Variants in DPP10 observed in about 807,000 individuals in gnomAD.
DPP10 encodes inactive dipeptidyl peptidase 10.
Under a neutral mutation model 120.9 loss-of-function variants are expected in DPP10, and 33 were observed. The observed-to-expected ratio is 0.27, with a 90% CI of 0.21 to 0.37. DPP10 has a LOEUF of 0.37. DPP10 is among the 10% of genes least tolerant of loss of function. DPP10 has a pLI of 1.00. For missense variants in DPP10, 816 were observed against 942.8 expected, an observed-to-expected ratio of 0.87 and a Z score of 1.76; for synonymous variants, 337 against 326.1, an observed-to-expected ratio of 1.03 and a Z score of -0.36.
intron 21 of DPP10, among the ~76,000 whole-genome samples, chr2:115,833,777 T>A (rs776549791): frequency 6.6e-6 from 1 of 152,204 alleles, no homozygotes; most frequent in Non-Finnish European, 1.5e-5. Flanking sequence ...TAAGTTTTCA[T>A]CCCTGAGATA....
chr2:114,743,211 G>A (rs1375648464), intron 1 of DPP10, among the ~76,000 whole-genome samples: 1 of 152,042 alleles, frequency 6.6e-6, no homozygotes, highest in Admixed American at 6.5e-5. Context: ...TAGGGATTTT[G>A]GTCTTTCAGG....
At chr2:115,069,733 G>T (rs774296501) in intron 1 of DPP10, among the ~76,000 whole-genome samples, 2 of 151,468 alleles carry the variant, frequency 1.3e-5, no homozygotes, top group Admixed American at 1.3e-4. Flanking sequence ...TCCTCGAATC[G>T]CGTGCTGATG....
chr2:115,141,754 G>A (rs755175017), intron 1 of DPP10, among the ~76,000 whole-genome samples: 8 of 152,058 alleles, frequency 5.3e-5, no homozygotes, highest in Non-Finnish European at 1.0e-4. Context: ...GCTTACAATA[G>A]GAAAGGAGGT....
At chr2:115,581,690 T>C (rs1026066047) in intron 5 of DPP10, among the ~76,000 whole-genome samples, 5 of 152,096 alleles carry the variant, frequency 3.3e-5, no homozygotes, top group African/African-American at 1.2e-4. Flanking sequence ...TTTTAGGAAG[T>C]TGAGCAAGAA....
At position 114,565,876 on chromosome 2, in the gene DPP10, G is replaced by GATTC. The variant is rs200449756; in HGVS notation, c.60+123064_60+123067dup. ...ACATGGACACTTAACTCATAGAATA[G>GATTC]ATTCATTCATTCATTCATTCATTCA... is the stretch of plus-strand genomic sequence containing the variant. On this transcript the variant is annotated intron_variant, in intron 1 of 25. Transcript: ENST00000410059. Among the ~76,000 whole-genome samples the GATTC allele has an allele frequency of 9.1e-3, 1,384 of 152,248 alleles. 13 individuals carry two copies. The highest frequency in any genetic ancestry group is 0.023 in the African/African-American group (938 of 41,546).
intron 1 of DPP10, among the ~76,000 whole-genome samples, chr2:114,928,884 C>T (rs1018634788): frequency 3.3e-5 from 5 of 152,190 alleles, no homozygotes; most frequent in Non-Finnish European, 7.3e-5. Context: ...CTAAGCCATG[C>T]CTGGGGCTCT....
At position 114,993,783 on chromosome 2, in the gene DPP10, A is replaced by G. The variant is rs180766487; in HGVS notation, c.61-315456A>G. ...TGTGCATGTATGTGTGTGTGTTTTT[A>G]TACACATAGATGTGTGCACACGAGT... On this transcript the variant is annotated intron_variant, in intron 1 of 25. Coordinates refer to ENST00000410059, the MANE Select transcript of DPP10 (RefSeq NM_020868.6). 1.1e-4 allele frequency among the ~76,000 whole-genome samples: 16 copies of G among 152,026 alleles called. No homozygotes were observed. In the East Asian group the frequency reaches 2.5e-3, roughly 24 times the overall value.
intron 3 of DPP10, among the ~76,000 whole-genome samples, chr2:115,477,295 A>G (rs1186373350): frequency 2.6e-5 from 4 of 152,196 alleles, no homozygotes; most frequent in Non-Finnish European, 5.9e-5. Context: ...AGAACTAATT[A>G]AAAACAATAA....
intron 19 of DPP10, among the ~76,000 whole-genome samples, chr2:115,794,108 TAGAC>T (rs1401391077): frequency 3.3e-5 from 5 of 152,208 alleles, no homozygotes; most frequent in Admixed American, 6.5e-5. Context: ...AATGAGCAAT[TAGAC>T]AGTGATAAAC....
intron 2 of DPP10, among the ~76,000 whole-genome samples, chr2:115,339,857 T>TAG (rs2063354655): frequency 6.6e-6 from 1 of 152,206 alleles, no homozygotes; most frequent in African/African-American, 2.4e-5. Flanking sequence ...GTGATGGAAC[T>TAG]GTTCTTGACT....
At chr2:115,100,199 C>T (rs1454584504) in intron 1 of DPP10, among the ~76,000 whole-genome samples, 1 of 152,164 alleles carries the variant, frequency 6.6e-6, no homozygotes, top group African/African-American at 2.4e-5. Context: ...AATCCAAGCA[C>T]TTTGGGAGGC....
intron 1 of DPP10, among the ~76,000 whole-genome samples, chr2:114,639,634 C>G (rs1299995133): frequency 6.6e-6 from 1 of 151,590 alleles, no homozygotes; most frequent in East Asian, 1.9e-4. Context: ...GCACATGTAC[C>G]CCTTTATCTA....
intron 4 of DPP10, among the ~76,000 whole-genome samples, chr2:115,500,997 G>C (rs944946671): frequency 2.0e-5 from 3 of 152,020 alleles, no homozygotes; most frequent in Non-Finnish European, 4.4e-5. Context: ...ATAATGATGA[G>C]AAGGTATGAT....
chr2:115,252,800 C>T (rs918865929), intron 1 of DPP10, among the ~76,000 whole-genome samples: 1 of 152,178 alleles, frequency 6.6e-6, no homozygotes, highest in Non-Finnish European at 1.5e-5. Flanking sequence ...GCAGTGCTTC[C>T]TTCTCCCAAT....
intron 19 of DPP10, among the ~76,000 whole-genome samples, chr2:115,794,369 A>G (rs557852925): frequency 5.6e-4 from 86 of 152,298 alleles, no homozygotes; most frequent in African/African-American, 2.0e-3. Flanking sequence ...GGCAATTTGG[A>G]AACCCAGTTC....
intron 1 of DPP10, among the ~76,000 whole-genome samples, chr2:114,575,527 G>T (rs928359134): frequency 2.0e-5 from 3 of 152,184 alleles, no homozygotes; most frequent in Admixed American, 6.5e-5. Context: ...GTAAAGGACT[G>T]ATTTCTTATA....
chr2:114,598,270 T>G (rs1692088766), intron 1 of DPP10, among the ~76,000 whole-genome samples: 1 of 151,910 alleles, frequency 6.6e-6, no homozygotes, highest in Non-Finnish European at 1.5e-5. Context: ...TGAATTTCAT[T>G]TGGCTGGCAG....
At chr2:115,744,216 C>T (rs1013679286) in intron 9 of DPP10, among the ~76,000 whole-genome samples, 1 of 150,190 alleles carries the variant, frequency 6.7e-6, no homozygotes, top group African/African-American at 2.4e-5. Flanking sequence ...CTGATTGATG[C>T]TACGGTCCAA....
chr2:115,780,376 G>A (rs1164504322), intron 15 of DPP10, among the ~76,000 whole-genome samples: 1 of 151,768 alleles, frequency 6.6e-6, no homozygotes, highest in Non-Finnish European at 1.5e-5. Context: ...AAATGATGGG[G>A]AAAATTTGGC....
Sources: gnomAD v4.1 joint callset for allele counts (sites outside exome capture counted in the v4.1 genomes callset) on GRCh38, gnomAD v4.1.1 for gene constraint, MANE v1.5 for transcripts, NCBI Gene and HGNC (gene_info 2026-07-23, HGNC 2026-07-21) for gene names.